Variants in GPC4 observed in about 807,000 individuals in gnomAD.
The protein encoded by GPC4 is glypican-4.
In GPC4, 10 loss-of-function variants were observed where a neutral mutation model predicts 35.0. The observed-to-expected ratio is 0.29, with a 90% CI of 0.18 to 0.48. The LOEUF (loss-of-function observed/expected upper bound fraction) is 0.48, where lower values mean the gene tolerates loss of function less well. GPC4 is among the 20% of genes least tolerant of loss of function. The pLI, the probability that GPC4 is intolerant of heterozygous loss-of-function variation, is 0.99. For synonymous variants in GPC4, 167 were observed against 170.2 expected (o/e 0.98, Z 0.15); for missense variants, 322 against 451.3 (o/e 0.71, Z 2.60).
chrX:133,411,418 A>G (rs975176369), intron 1 of GPC4, among the ~76,000 whole-genome samples: 2 of 112,104 alleles, frequency 1.8e-5, no homozygotes, highest in Non-Finnish European at 3.8e-5. Context: ...GGGAGGCATA[A>G]TGAAAATGGT....
Position 133,300,500 on chromosome X carries a change from G to A in GPC4, c.*2367C>T, listed in dbSNP as rs2068263522. The A allele has an allele frequency of 9.0e-6, 1 of 111,465 alleles. No individual in the cohort carries two copies. The highest frequency in any genetic ancestry group is 9.6e-5 in the Admixed American group (1 of 10,428). 9.2% of individuals were successfully genotyped at this position (111,465 alleles called of 1,213,427 possible). On this transcript the variant is annotated 3_prime_UTR_variant, in exon 9 of 9. Transcript: ENST00000370828. ...CTTTCTTCTTTTTTGGGGAGTGGGG[G>A]TGAGCTTGCCAGCTGCTTAGAAGCC...
At position 133,314,043 on chromosome X, in the gene GPC4, G is replaced by A. The variant is rs1424718614; in HGVS notation, c.712-2620C>T. Among the ~76,000 whole-genome samples, 3 of 112,073 alleles carry A rather than the reference G, an allele frequency of 2.7e-5. No individual in the cohort carries two copies. In the East Asian group the frequency reaches 8.4e-4, roughly 31 times the overall value. Reference sequence around the variant, plus strand: ...CGTAAGAAGAAACGTAGAAAGCTAAGGGGTCAACAAATAGTTACTGAGCAC... The same window carrying A: ...CGTAAGAAGAAACGTAGAAAGCTAAAGGGTCAACAAATAGTTACTGAGCAC... On this transcript the variant is annotated intron_variant, in intron 3 of 8. Coordinates refer to ENST00000370828, the MANE Select transcript of GPC4 (RefSeq NM_001448.3).
intron 1 of GPC4, among the ~76,000 whole-genome samples, chrX:133,358,709 T>A (rs1471877460): frequency 8.9e-6 from 1 of 111,901 alleles, no homozygotes; most frequent in Non-Finnish European, 1.9e-5. Flanking sequence ...AAGTGCTGAT[T>A]TTTTTTATGT....
intron 1 of GPC4, among the ~76,000 whole-genome samples, chrX:133,387,858 C>T (rs912121350): frequency 5.4e-5 from 6 of 111,812 alleles, no homozygotes; most frequent in Admixed American, 9.5e-5. Flanking sequence ...AATTGAGTTC[C>T]CCAATAGCTT....
chrX:133,302,720 G>A lies in GPC4; in HGVS notation c.*147C>T, dbSNP rs1167821139. ...TCCCAAAACTGAATGAGAAAACAAA[G>A]TCAGCACTTCTTAAACCAGTGGCCA... On this transcript the variant is annotated 3_prime_UTR_variant, in exon 9 of 9. Coordinates refer to ENST00000370828, the MANE Select transcript of GPC4 (RefSeq NM_001448.3). 1 of 528,256 alleles carries A rather than the reference G, an allele frequency of 1.9e-6. No individual in the cohort carries two copies. The highest frequency in any genetic ancestry group is 3.2e-5 in the South Asian group (1 of 31,315). The allele number at this position is 528,256 out of a possible 1,213,427, so 43.5% of individuals were successfully genotyped here.
At chrX:133,348,075 G>C (rs929989131) in intron 1 of GPC4, among the ~76,000 whole-genome samples, 1 of 112,123 alleles carries the variant, frequency 8.9e-6, no homozygotes, top group African/African-American at 3.2e-5. Flanking sequence ...GGAAGAGTTA[G>C]GGTTGCTACT....
At chrX:133,319,700 T>C (rs1042269499) in intron 3 of GPC4, among the ~76,000 whole-genome samples, 1 of 110,712 alleles carries the variant, frequency 9.0e-6, no homozygotes, top group African/African-American at 3.3e-5. Flanking sequence ...CCCATATATA[T>C]AAAAAACATT....
At chrX:133,312,399 A>G (rs778629830) in intron 3 of GPC4, among the ~76,000 whole-genome samples, 3 of 110,609 alleles carry the variant, frequency 2.7e-5, no homozygotes, top group African/African-American at 6.6e-5. Context: ...GGGAGGCCGA[A>G]GTGGGCGGAT....
chrX:133,312,427 G>A (rs2266792), intron 3 of GPC4, among the ~76,000 whole-genome samples: 40,864 of 109,379 alleles, frequency 0.37, 6,464 homozygotes, highest in African/African-American at 0.6. Context: ...TCAGGAGTTC[G>A]AGACCAGCCT....
chrX:133,321,360 T>A (rs1477792953), intron 3 of GPC4, among the ~76,000 whole-genome samples: 2 of 112,168 alleles, frequency 1.8e-5, no homozygotes, highest in Non-Finnish European at 3.8e-5. Flanking sequence ...GTAGGTTCAG[T>A]TCTCTAAAAT....
chrX:133,404,233 G>A (rs1487296551), intron 1 of GPC4, among the ~76,000 whole-genome samples: 2 of 110,852 alleles, frequency 1.8e-5, no homozygotes, highest in Non-Finnish European at 3.8e-5. Flanking sequence ...GAACCTAGAT[G>A]TTCTAGAGGG....
chrX:133,410,714 G>A (rs2124188323), intron 1 of GPC4, among the ~76,000 whole-genome samples: 1 of 112,048 alleles, frequency 8.9e-6, no homozygotes, highest in South Asian at 3.7e-4. Context: ...GCAACCCAAC[G>A]TGAATCAAAT....
At chrX:133,374,008 G>A (rs747365780) in intron 1 of GPC4, among the ~76,000 whole-genome samples, 27 of 110,930 alleles carry the variant, frequency 2.4e-4, no homozygotes, top group Non-Finnish European at 4.3e-4. Context: ...TTGGGGGGGT[G>A]ATAAAAATGT....
chrX:133,347,946 A>C (rs1371560459), intron 1 of GPC4, among the ~76,000 whole-genome samples: 1 of 112,367 alleles, frequency 8.9e-6, no homozygotes, highest in African/African-American at 3.2e-5. Context: ...TAAGACTGCC[A>C]ATTATTTCTA....
At chrX:133,322,393 G>C (rs2068369424) in intron 3 of GPC4, among the ~76,000 whole-genome samples, 1 of 105,552 alleles carries the variant, frequency 9.5e-6, no homozygotes, top group African/African-American at 3.5e-5. Flanking sequence ...GCGGTGAGCA[G>C]AGATCTCGCC....
chrX:133,399,777 G>A (rs1471824390), intron 1 of GPC4, among the ~76,000 whole-genome samples: 1 of 112,488 alleles, frequency 8.9e-6, no homozygotes, highest in Non-Finnish European at 1.9e-5. Flanking sequence ...AAGGTGGGCA[G>A]ATCACTTGGG....
At chrX:133,354,564 A>ATTTTTT (rs1320451355) in intron 1 of GPC4, among the ~76,000 whole-genome samples, 15 of 94,474 alleles carry the variant, frequency 1.6e-4, no homozygotes, top group African/African-American at 5.0e-4. Flanking sequence ...TTATTTATTT[A>ATTTTTT]TTTATTTTTT....
intron 3 of GPC4, among the ~76,000 whole-genome samples, chrX:133,322,849 A>T (rs2068372971): frequency 8.9e-6 from 1 of 112,173 alleles, no homozygotes; most frequent in South Asian, 3.7e-4. Flanking sequence ...TTGAGGGCCT[A>T]AAGTTGACAG....
chrX:133,342,032 ATTTTT>A (rs975355748), intron 1 of GPC4, among the ~76,000 whole-genome samples: 2 of 72,897 alleles, frequency 2.7e-5, no homozygotes, highest in African/African-American at 1.0e-4. Context: ...TTTTGGCACT[ATTTTT>A]TTTTTTTTTT....
Sources: gnomAD v4.1 joint callset for allele counts (sites outside exome capture counted in the v4.1 genomes callset) on GRCh38, gnomAD v4.1.1 for gene constraint, MANE v1.5 for transcripts, NCBI Gene and HGNC (gene_info 2026-07-23, HGNC 2026-07-21) for gene names.